Variants in PXDNL observed in about 807,000 individuals in gnomAD.
The protein encoded by PXDNL is probable oxidoreductase PXDNL.
In PXDNL, 145 loss-of-function variants were observed where a neutral mutation model predicts 150.8. That is an observed-to-expected ratio of 0.96 (90% CI 0.84 to 1.10). The LOEUF (loss-of-function observed/expected upper bound fraction) is 1.10, where lower values mean the gene tolerates loss of function less well. Among genes scored for constraint, PXDNL ranks in the 50% least tolerant of loss-of-function variants. The probability of loss-of-function intolerance (pLI) is 0.00; values close to 1 mark genes in which losing one functional copy is unlikely to be tolerated. For missense variants in PXDNL, 2,087 were observed against 1,873.9 expected, an observed-to-expected ratio of 1.11 and a Z score of -2.10; for synonymous variants, 757 against 725.7, an observed-to-expected ratio of 1.04 and a Z score of -0.69.
chr8:51,391,105 A>G (rs1256244687), intron 17 of PXDNL, among the ~76,000 whole-genome samples: 2 of 152,202 alleles, frequency 1.3e-5, no homozygotes, highest in Non-Finnish European at 2.9e-5. Context: ...ATAGTATTCC[A>G]TGGTGTATAT....
chr8:51,702,107 T>C (rs1351086567), intron 1 of PXDNL, among the ~76,000 whole-genome samples: 2 of 152,220 alleles, frequency 1.3e-5, no homozygotes, highest in Non-Finnish European at 2.9e-5. Context: ...CTGGTTTTTA[T>C]TTTTTCCCAA....
At chr8:51,616,005 T>C (rs1814122271) in intron 2 of PXDNL, among the ~76,000 whole-genome samples, 1 of 152,064 alleles carries the variant, frequency 6.6e-6, no homozygotes, top group African/African-American at 2.4e-5. Context: ...TGACTGCCTT[T>C]CTCTATCAGA....
chr8:51,774,680 T>A (rs764776085), intron 1 of PXDNL, among the ~76,000 whole-genome samples: 1 of 151,870 alleles, frequency 6.6e-6, no homozygotes. Context: ...TAGCCAGGCA[T>A]GGTGGTGGGT....
intron 12 of PXDNL, among the ~76,000 whole-genome samples, chr8:51,433,304 TA>T (rs544175718): frequency 1.1e-4 from 16 of 151,288 alleles, no homozygotes; most frequent in African/African-American, 2.9e-4. Context: ...GTTTTATTTC[TA>T]AAAAAAGGGT....
chr8:51,730,963 G>C (rs1816906175), intron 1 of PXDNL, among the ~76,000 whole-genome samples: 1 of 152,128 alleles, frequency 6.6e-6, no homozygotes, highest in Admixed American at 6.5e-5. Context: ...GAAATTATGA[G>C]AGCTACAATT....
At chr8:51,800,766 CTT>C (rs1232082364) in intron 1 of PXDNL, among the ~76,000 whole-genome samples, 1 of 152,154 alleles carries the variant, frequency 6.6e-6, no homozygotes, top group Non-Finnish European at 1.5e-5. Context: ...AAATAATACT[CTT>C]ATAATTTCTT....
At chr8:51,592,303 T>C (rs566890833) in intron 3 of PXDNL, among the ~76,000 whole-genome samples, 2 of 152,236 alleles carry the variant, frequency 1.3e-5, no homozygotes, top group Non-Finnish European at 2.9e-5. Context: ...AACCCTTTTC[T>C]GTGTGTATGG....
At chr8:51,700,952 GACACATAC>G (rs1236788760) in intron 1 of PXDNL, among the ~76,000 whole-genome samples, 1 of 149,508 alleles carries the variant, frequency 6.7e-6, no homozygotes, top group Non-Finnish European at 1.5e-5. Context: ...CACATATACA[GACACATAC>G]ACACATACAC....
Position 51,408,491 on chromosome 8 carries a change from T to A in PXDNL, c.3133A>T (p.Ile1045Phe), listed in dbSNP as rs778082068. The change falls in exon 17 of 23, where the codon ATT becomes TTT. Residue 1045 changes from isoleucine to phenylalanine, a missense_variant. Transcript: ENST00000356297. ...GYNPNVNAGI[I>F]NSFATAAFRF... ...AAGGCTGCAGTAGCAAAAGAGTTAA[T>A]GATGCCTGCATTCACGTTGGGGTTG... 1 of 1,613,674 alleles carries A rather than the reference T, an allele frequency of 6.2e-7. No individual in the cohort carries two copies. Among genetic ancestry groups the A allele is most frequent in the Non-Finnish European group, 8.5e-7 (1 of 1,179,724 alleles).
chr8:51,426,005 AT>A (rs1163027171), intron 13 of PXDNL, among the ~76,000 whole-genome samples: 1 of 152,304 alleles, frequency 6.6e-6, no homozygotes, highest in African/African-American at 2.4e-5. Flanking sequence ...CCTTTCACAG[AT>A]TTTATATTTT....
chr8:51,659,786 T>G (rs1815228620), intron 1 of PXDNL, among the ~76,000 whole-genome samples: 1 of 152,140 alleles, frequency 6.6e-6, no homozygotes, highest in African/African-American at 2.4e-5. Flanking sequence ...AAATTTTACA[T>G]TAACAATAAA....
chr8:51,559,664 G>T (rs1226103737), intron 3 of PXDNL, among the ~76,000 whole-genome samples: 6 of 151,944 alleles, frequency 3.9e-5, no homozygotes, highest in Admixed American at 3.9e-4. Context: ...GACTCTGGCA[G>T]AAGGGGTAGA....
At chr8:51,650,560 T>C (rs1190670446) in intron 2 of PXDNL, among the ~76,000 whole-genome samples, 1 of 152,166 alleles carries the variant, frequency 6.6e-6, no homozygotes, top group African/African-American at 2.4e-5. Context: ...GCTAGCACTG[T>C]ATTCAGTGCT....
At chr8:51,644,890 G>C (rs967788763) in intron 2 of PXDNL, among the ~76,000 whole-genome samples, 41 of 151,746 alleles carry the variant, frequency 2.7e-4, no homozygotes, top group African/African-American at 7.7e-4. Flanking sequence ...GCGGGGACAC[G>C]GATCCATAGG....
chr8:51,662,850 C>T (rs553481203), intron 1 of PXDNL, among the ~76,000 whole-genome samples: 1 of 152,332 alleles, frequency 6.6e-6, no homozygotes, highest in Admixed American at 6.5e-5. Context: ...AGGGAGCACA[C>T]ATATGTATAA....
intron 14 of PXDNL, among the ~76,000 whole-genome samples, chr8:51,417,819 A>G (rs551169292): frequency 5.3e-5 from 8 of 152,336 alleles, no homozygotes. Context: ...TTGTTTAAAC[A>G]GCAGAGAATC....
chr8:51,605,658 G>A (rs1009377650), intron 2 of PXDNL, among the ~76,000 whole-genome samples: 1 of 152,158 alleles, frequency 6.6e-6, no homozygotes, highest in Non-Finnish European at 1.5e-5. Flanking sequence ...ATTATAGTTA[G>A]ATGTTGTTGG....
At chr8:51,359,289 A>G (rs373537317) in intron 19 of PXDNL, among the ~76,000 whole-genome samples, 1 of 140,016 alleles carries the variant, frequency 7.1e-6, no homozygotes. Context: ...AATAAATAAT[A>G]ATAATACAAA....
intron 19 of PXDNL, among the ~76,000 whole-genome samples, chr8:51,369,704 T>C (rs547739847): frequency 1.3e-5 from 2 of 151,718 alleles, no homozygotes; most frequent in East Asian, 3.9e-4. Context: ...AGATGTTTAC[T>C]GCTGGCTTAT....
Sources: gnomAD v4.1 joint callset for allele counts (sites outside exome capture counted in the v4.1 genomes callset) on GRCh38, gnomAD v4.1.1 for gene constraint, MANE v1.5 for transcripts, NCBI Gene and HGNC (gene_info 2026-07-23, HGNC 2026-07-21) for gene names.